Variants in EPS15L1 observed in about 807,000 individuals in gnomAD.
EPS15L1 encodes epidermal growth factor receptor substrate 15-like 1.
Under a neutral mutation model 117.1 loss-of-function variants are expected in EPS15L1, and 43 were observed. The observed-to-expected ratio is 0.37, with a 90% confidence interval of 0.29 to 0.47. The LOEUF (loss-of-function observed/expected upper bound fraction) is 0.47, where lower values mean the gene tolerates loss of function less well. Among genes scored for constraint, EPS15L1 ranks in the 20% least tolerant of loss-of-function variants. EPS15L1 has a pLI of 0.99. For missense variants in EPS15L1, 981 were observed against 1,164.0 expected (o/e 0.84, Z 2.29); for synonymous variants, 459 against 470.5 (o/e 0.98, Z 0.32).
intron 4 of EPS15L1, among the ~76,000 whole-genome samples, chr19:16,440,260 C>T (rs1398426903): frequency 1.3e-5 from 2 of 152,008 alleles, no homozygotes; most frequent in African/African-American, 2.4e-5. Flanking sequence ...TAGTGAAACA[C>T]TATCTCTACT....
At chr19:16,359,299 C>A (rs1297998282) in intron 23 of EPS15L1, among the ~76,000 whole-genome samples, 1 of 152,166 alleles carries the variant, frequency 6.6e-6, no homozygotes, top group Non-Finnish European at 1.5e-5. Flanking sequence ...TAAGTTAGCA[C>A]AAATAGTCAA....
intron 1 of EPS15L1, among the ~76,000 whole-genome samples, chr19:16,450,957 C>CTT (rs201406459): frequency 4.3e-4 from 63 of 147,954 alleles, no homozygotes; most frequent in Non-Finnish European, 7.5e-4. Context: ...GGTACAGGCT[C>CTT]TTTTTTTTTT....
At chr19:16,426,949 G>A (rs965770472) in intron 8 of EPS15L1, among the ~76,000 whole-genome samples, 4 of 152,234 alleles carry the variant, frequency 2.6e-5, no homozygotes, top group Non-Finnish European at 5.9e-5. Flanking sequence ...TAATGGTTAT[G>A]TGTGAGAGAA....
intron 16 of EPS15L1, chr19:16,400,917 G>A: frequency 1.0e-6 from 1 of 985,410 alleles, no homozygotes; most frequent in South Asian, 4.7e-5. Flanking sequence ...AGAGGAAGCT[G>A]TTCCCTGAAC....
intron 1 of EPS15L1, among the ~76,000 whole-genome samples, chr19:16,442,501 T>C (rs1468907886): frequency 2.0e-5 from 3 of 152,214 alleles, no homozygotes; most frequent in African/African-American, 7.2e-5. Context: ...CAGCCCAGTG[T>C]CAATTTCCAT....
intron 7 of EPS15L1, 83 bp downstream of exon 7, chr19:16,434,282 A>G: frequency 6.6e-7 from 1 of 1,522,620 alleles, no homozygotes; most frequent in Non-Finnish European, 8.9e-7. Flanking sequence ...GAGCCTTGTA[A>G]GCACCATGGG....
In EPS15L1 at chr19:16,412,858, G is replaced by A. The variant is rs374940715; in HGVS notation, c.1266+915C>T. The A allele has an allele frequency of 7.2e-3, 4,083 of 563,720 alleles. 143 individuals are homozygous for A. Among genetic ancestry groups the A allele is most frequent in the South Asian group, 0.054 (3,497 of 65,302 alleles). 34.9% of individuals were successfully genotyped at this position (563,720 alleles called of 1,614,324 possible). A position where few individuals can be genotyped will look rare whatever the true frequency, so the allele number is the denominator to read the frequency against. On this transcript the variant is annotated intron_variant, in intron 13 of 23. Transcript: ENST00000455140. ...AGGCCACGGAGCTTGCAGAGGCAAG[G>A]CCGAGGATAAGGAGTGGATGCCCAT...
chr19:16,377,796 G>A (rs987180864), intron 21 of EPS15L1, among the ~76,000 whole-genome samples: 3 of 152,196 alleles, frequency 2.0e-5, no homozygotes, highest in African/African-American at 7.2e-5. Context: ...TGCACATGCA[G>A]CACCTCAGGT....
intron 1 of EPS15L1, among the ~76,000 whole-genome samples, chr19:16,448,026 C>A (rs1179852852): frequency 6.6e-6 from 1 of 152,184 alleles, no homozygotes; most frequent in Admixed American, 6.5e-5. Flanking sequence ...ACAAAGGGCA[C>A]TGGAGCAATC....
intron 10 of EPS15L1, among the ~76,000 whole-genome samples, chr19:16,419,329 C>T (rs190475025): frequency 2.2e-4 from 34 of 152,210 alleles, no homozygotes; most frequent in Admixed American, 1.2e-3. Flanking sequence ...CATGGTGGCG[C>T]GCGCCTGTAA....
intron 1 of EPS15L1, among the ~76,000 whole-genome samples, chr19:16,461,416 G>C (rs117799475): frequency 0.011 from 1,698 of 152,048 alleles, 21 homozygotes; most frequent in Middle Eastern, 0.02. Flanking sequence ...GAGCTCAGGA[G>C]TTCGAAACTG....
chr19:16,446,196 G>A (rs1436427887), intron 1 of EPS15L1, among the ~76,000 whole-genome samples: 1 of 152,200 alleles, frequency 6.6e-6, no homozygotes, highest in Non-Finnish European at 1.5e-5. Flanking sequence ...GACAACAGCA[G>A]TTGAGATGGA....
At chr19:16,394,124 G>A (rs2092514084) in intron 17 of EPS15L1, 123 bp from the exon 18 acceptor site, 1 of 837,626 alleles carries the variant, frequency 1.2e-6, no homozygotes, top group Non-Finnish European at 2.0e-6. Flanking sequence ...TGTAGGGAGA[G>A]AATGTTAGTT....
At position 16,363,936 on chromosome 19, in the gene EPS15L1, C is replaced by T. The variant is rs577199509; in HGVS notation, c.2381-1952G>A. On this transcript the variant is annotated intron_variant, in intron 22 of 23. Coordinates refer to ENST00000455140, the MANE Select transcript of EPS15L1 (RefSeq NM_001258374.3). ...CAGAAGGACTCGGAGACAAACTCCC[C>T]TGCAGCCCACCCTTGCGGCCTGCCT... Among the ~76,000 whole-genome samples, 12 of 152,368 alleles carry T rather than the reference C, an allele frequency of 7.9e-5. No homozygotes were observed. The East Asian group carries it at 2.1e-3, about 27-fold the overall frequency.
intron 16 of EPS15L1, among the ~76,000 whole-genome samples, chr19:16,398,331 G>A (rs1246635783): frequency 6.6e-6 from 1 of 152,252 alleles, no homozygotes; most frequent in Non-Finnish European, 1.5e-5. Context: ...TCCCAAGGTG[G>A]GGAAACCAAG....
chr19:16,427,856 T>C (rs1196215623), intron 8 of EPS15L1, among the ~76,000 whole-genome samples: 4 of 151,152 alleles, frequency 2.6e-5, no homozygotes, highest in African/African-American at 9.7e-5. Flanking sequence ...ATTGCACCAC[T>C]GCACTCCAGC....
At chr19:16,415,929 C>T (rs2092754098) in intron 12 of EPS15L1, among the ~76,000 whole-genome samples, 1 of 152,242 alleles carries the variant, frequency 6.6e-6, no homozygotes. Context: ...TGTCAGGCTG[C>T]ACATCCTTGC....
chr19:16,421,910 C>T (rs1385945690), intron 9 of EPS15L1, among the ~76,000 whole-genome samples: 2 of 152,202 alleles, frequency 1.3e-5, no homozygotes, highest in African/African-American at 4.8e-5. Context: ...GCAAAGGCTG[C>T]CCTACAGGCA....
rs1483445064 is a variant in EPS15L1, at chr19:16,383,825, G to A, written c.2247+1304C>T. 1.3e-5 allele frequency: 2 copies of A among 152,282 alleles called. No homozygotes were observed. Among genetic ancestry groups the A allele is most frequent in the African/African-American group, 4.8e-5 (2 of 41,468 alleles). 9.4% of individuals were successfully genotyped at this position (152,282 alleles called of 1,614,324 possible). A position where few individuals can be genotyped will look rare whatever the true frequency, so the allele number is the denominator to read the frequency against. ...CAGAGACTCATCTGCTCCACCAGCT[G>A]AGTGAACACGGGGCAGCCAAGGGAG... On this transcript the variant is annotated intron_variant, in intron 21 of 23. Transcript: ENST00000455140. The surrounding 1 kb of genome is among the most constrained non-coding windows in gnomAD (Gnocchi z 5.2).
Sources: allele counts gnomAD v4.1 joint callset (sites outside exome capture counted in the v4.1 genomes callset), GRCh38; gene constraint gnomAD v4.1.1; non-coding constraint Gnocchi (gnomAD v3.1); transcripts MANE v1.5; gene names NCBI Gene and HGNC (gene_info 2026-07-23, HGNC 2026-07-21).